MICU1: variants seen among roughly 807,000 people sequenced by gnomAD.
MICU1 encodes calcium uptake protein 1, mitochondrial.
Under a neutral mutation model 56.8 loss-of-function variants are expected in MICU1, and 45 were observed. The observed-to-expected ratio is 0.79, with a 90% CI of 0.62 to 1.02. The LOEUF is 1.02. MICU1 is among the 50% of genes least tolerant of loss of function. MICU1 has a pLI of 0.00. For missense variants in MICU1, 504 were observed against 587.1 expected, an observed-to-expected ratio of 0.86 and a Z score of 1.46; for synonymous variants, 186 against 195.1, an observed-to-expected ratio of 0.95 and a Z score of 0.39.
chr10:72,425,165 C>T (rs1000309579), intron 8 of MICU1, among the ~76,000 whole-genome samples: 4 of 152,244 alleles, frequency 2.6e-5, no homozygotes, highest in Non-Finnish European at 4.4e-5. Context: ...CTATGGGCTT[C>T]TTCAAGGCAT....
chr10:72,389,139 G>A (rs910265195), intron 10 of MICU1, among the ~76,000 whole-genome samples: 8 of 152,210 alleles, frequency 5.3e-5, no homozygotes, highest in African/African-American at 1.7e-4. Flanking sequence ...GATTATTACA[G>A]TTCAGGAGTG....
chr10:72,618,177 A>C (rs189791067), intron 1 of MICU1, among the ~76,000 whole-genome samples: 8 of 152,232 alleles, frequency 5.3e-5, no homozygotes, highest in South Asian at 2.1e-4. Flanking sequence ...AAAAAAAAAA[A>C]AAAAAACTAC....
At chr10:72,623,653 C>A (rs986404268) in intron 1 of MICU1, among the ~76,000 whole-genome samples, 1 of 152,032 alleles carries the variant, frequency 6.6e-6, no homozygotes, top group African/African-American at 2.4e-5. Context: ...ACTAGCCTGG[C>A]CAACATGTAA....
intron 3 of MICU1, among the ~76,000 whole-genome samples, chr10:72,561,081 G>A (rs1840284747): frequency 6.6e-6 from 1 of 152,126 alleles, no homozygotes. Context: ...CTTGAACAGG[G>A]AAAAGATAGC....
At chr10:72,389,344 G>T (rs2132062796) in intron 10 of MICU1, among the ~76,000 whole-genome samples, 1 of 152,270 alleles carries the variant, frequency 6.6e-6, no homozygotes, top group East Asian at 1.9e-4. Context: ...GGTTCTCAGA[G>T]GTCATCTCTG....
At chr10:72,412,975 T>C (rs1863871505) in intron 9 of MICU1, among the ~76,000 whole-genome samples, 1 of 151,608 alleles carries the variant, frequency 6.6e-6, no homozygotes, top group South Asian at 2.1e-4. Context: ...GGCGGGCAGA[T>C]CACTTGAGCC....
At chr10:72,470,358 C>T (rs778201219) in intron 8 of MICU1, among the ~76,000 whole-genome samples, 20 of 152,118 alleles carry the variant, frequency 1.3e-4, no homozygotes, top group Non-Finnish European at 1.9e-4. Flanking sequence ...TGGACGTCTT[C>T]GTCCATTTTC....
chr10:72,612,304 C>T (rs1589390576), intron 1 of MICU1, among the ~76,000 whole-genome samples: 1 of 151,516 alleles, frequency 6.6e-6, no homozygotes, highest in African/African-American at 2.4e-5. Flanking sequence ...AATGACACTT[C>T]GTGAATCTTA....
At chr10:72,404,525 G>C (rs1863565391) in intron 10 of MICU1, among the ~76,000 whole-genome samples, 1 of 151,680 alleles carries the variant, frequency 6.6e-6, no homozygotes, top group African/African-American at 2.4e-5. Flanking sequence ...AAACCCCTAG[G>C]TAGACTGAGT....
intron 4 of MICU1, among the ~76,000 whole-genome samples, chr10:72,536,166 A>G (rs867954231): frequency 3.3e-5 from 5 of 152,086 alleles, no homozygotes; most frequent in African/African-American, 1.2e-4. Flanking sequence ...GTTAACAACA[A>G]TATTTATACA....
chr10:72,482,695 C>T (rs1048626008), intron 6 of MICU1, among the ~76,000 whole-genome samples: 1 of 151,618 alleles, frequency 6.6e-6, no homozygotes, highest in East Asian at 1.9e-4. Flanking sequence ...ATATGATGGC[C>T]CTCTGAATAC....
intron 10 of MICU1, among the ~76,000 whole-genome samples, chr10:72,377,469 T>C (rs1589151030): frequency 6.6e-6 from 1 of 152,154 alleles, no homozygotes; most frequent in Non-Finnish European, 1.5e-5. Flanking sequence ...AAAATATATA[T>C]TTTTAGACCT....
chr10:72,451,842 C>T (rs1865309649), intron 8 of MICU1, among the ~76,000 whole-genome samples: 1 of 151,616 alleles, frequency 6.6e-6, no homozygotes, highest in African/African-American at 2.4e-5. Context: ...TGTGCCTGGC[C>T]GAAGATATTA....
At chr10:72,624,888 C>A (rs1162027582) in intron 1 of MICU1, among the ~76,000 whole-genome samples, 1 of 152,162 alleles carries the variant, frequency 6.6e-6, no homozygotes. Flanking sequence ...AGGCAATATT[C>A]AAAAAGCTCA....
intron 5 of MICU1, among the ~76,000 whole-genome samples, chr10:72,516,790 C>T (rs559447264): frequency 3.3e-4 from 50 of 152,188 alleles, no homozygotes; most frequent in African/African-American, 1.2e-3. Flanking sequence ...TTCCATTGGT[C>T]TATATGTCGT....
At chr10:72,400,694 C>A (rs1264899907) in intron 10 of MICU1, among the ~76,000 whole-genome samples, 1 of 151,942 alleles carries the variant, frequency 6.6e-6, no homozygotes, top group Admixed American at 6.6e-5. Context: ...TGCAGTGAGC[C>A]AAGATCATGC....
chr10:72,558,170 T>C (rs16929993), intron 3 of MICU1, among the ~76,000 whole-genome samples: 4,767 of 152,344 alleles, frequency 0.031, 178 homozygotes, highest in East Asian at 0.22. Context: ...AGCAATTTTA[T>C]ATCTGAAAAG....
chr10:72,601,802 C>CT (rs199587505), intron 1 of MICU1, among the ~76,000 whole-genome samples: 1 of 143,532 alleles, frequency 7.0e-6, no homozygotes, highest in Non-Finnish European at 1.5e-5. Context: ...TTTTCTTTTT[C>CT]TTTTTTTTTT....
At chr10:72,496,245 A>G (rs1487037107) in intron 6 of MICU1, among the ~76,000 whole-genome samples, 1 of 151,614 alleles carries the variant, frequency 6.6e-6, no homozygotes, top group Non-Finnish European at 1.5e-5. Flanking sequence ...ATTCTGCCTC[A>G]GCCTCCTGAG....
Sources: allele counts gnomAD v4.1 joint callset (sites outside exome capture counted in the v4.1 genomes callset), GRCh38; gene constraint gnomAD v4.1.1; transcripts MANE v1.5; gene names NCBI Gene and HGNC (gene_info 2026-07-23, HGNC 2026-07-21).